RIMBP2: variants seen among roughly 807,000 people sequenced by gnomAD.
RIMBP2 encodes RIMS binding protein 2, also known as RIMS-binding protein 2.
In RIMBP2, 48 loss-of-function variants were observed where a neutral mutation model predicts 118.6. That is an observed-to-expected ratio of 0.40 (90% CI 0.32 to 0.51). The LOEUF (loss-of-function observed/expected upper bound fraction) is 0.51. Among genes scored for constraint, RIMBP2 ranks in the 20% least tolerant of loss-of-function variants. The pLI, the probability that RIMBP2 is intolerant of heterozygous loss-of-function variation, is 0.41. For missense variants in RIMBP2, 1,551 were observed against 1,768.3 expected (o/e 0.88, Z 2.20); for synonymous variants, 762 against 742.9 (o/e 1.03, Z -0.42).
chr12:130,434,930 A>G lies in RIMBP2; in HGVS notation c.2107-50T>C, dbSNP rs766614710. The G allele has an allele frequency of 6.4e-7, 1 of 1,555,572 alleles. No homozygotes were observed. Among genetic ancestry groups the G allele is most frequent in the Non-Finnish European group, 8.7e-7 (1 of 1,150,780 alleles). On this transcript the variant is annotated intron_variant, in intron 13 of 22. Transcript: ENST00000690449. The surrounding 1 kb of genome is among the most constrained non-coding windows in gnomAD (Gnocchi z 5.7). ...GGGTGAGGCAGGGCCACCTTCAGCT[A>G]CGCTCAGCCCCACCTGCATTCACCA...
intron 2 of RIMBP2, among the ~76,000 whole-genome samples, chr12:130,556,599 C>T (rs1002397886): frequency 2.0e-5 from 3 of 152,222 alleles, no homozygotes; most frequent in Non-Finnish European, 4.4e-5. Flanking sequence ...ATGGGGAGAC[C>T]CAGGCCAGGG....
At chr12:130,448,613 G>A (rs992862680) in intron 9 of RIMBP2, among the ~76,000 whole-genome samples, 15 of 152,264 alleles carry the variant, frequency 9.9e-5, no homozygotes, top group Non-Finnish European at 1.9e-4. Flanking sequence ...GGAGCCAGGG[G>A]TAGGACTGGG....
At chr12:130,530,489 A>G (rs2053254267) in intron 2 of RIMBP2, among the ~76,000 whole-genome samples, 1 of 152,198 alleles carries the variant, frequency 6.6e-6, no homozygotes, top group Admixed American at 6.5e-5. Flanking sequence ...ACAATTTTTA[A>G]AAGAAAAAGG....
chr12:130,487,484 C>CCA (rs1288209466), intron 4 of RIMBP2, among the ~76,000 whole-genome samples: 3 of 152,314 alleles, frequency 2.0e-5, no homozygotes, highest in East Asian at 3.9e-4. Context: ...CCCACTTTGC[C>CCA]TTCTGCCATG....
At chr12:130,648,659 T>C (rs1594141081) in intron 1 of RIMBP2, among the ~76,000 whole-genome samples, 3 of 117,312 alleles carry the variant, frequency 2.6e-5, no homozygotes, top group African/African-American at 1.1e-4. Context: ...AATTAGTATC[T>C]TTTTTTTTTT....
intron 2 of RIMBP2, among the ~76,000 whole-genome samples, chr12:130,557,812 T>C (rs1246874703): frequency 1.3e-5 from 2 of 152,194 alleles, no homozygotes; most frequent in Non-Finnish European, 2.9e-5. Flanking sequence ...GTCACCTTGT[T>C]CGATGCCCCG....
At chr12:130,647,009 G>C (rs1352811070) in intron 1 of RIMBP2, among the ~76,000 whole-genome samples, 4 of 152,256 alleles carry the variant, frequency 2.6e-5, no homozygotes, top group Non-Finnish European at 2.9e-5. Flanking sequence ...ATGTGAGGCA[G>C]AGTGGGGACC....
intron 2 of RIMBP2, among the ~76,000 whole-genome samples, chr12:130,554,436 G>A (rs927895038): frequency 2.0e-5 from 3 of 152,144 alleles, no homozygotes; most frequent in East Asian, 1.9e-4. Context: ...ATCTGAACTA[G>A]GTGTGAAACC....
At chr12:130,569,728 T>C (rs1484721663) in intron 2 of RIMBP2, among the ~76,000 whole-genome samples, 1 of 152,150 alleles carries the variant, frequency 6.6e-6, no homozygotes, top group African/African-American at 2.4e-5. Flanking sequence ...GCCTGTTCCC[T>C]CTTCACCTTC....
At chr12:130,591,537 C>T (rs2059265613) in intron 2 of RIMBP2, among the ~76,000 whole-genome samples, 1 of 150,920 alleles carries the variant, frequency 6.6e-6, no homozygotes, top group Non-Finnish European at 1.5e-5. Context: ...AGTCTGGAAT[C>T]GAGGTGTCAT....
chr12:130,621,090 G>A lies in RIMBP2; in HGVS notation c.-217+7232C>T. The stretch of plus-strand genomic sequence containing the variant: ...TGGAGTCACCCCTTAGTGAGGGTGG[G>A]TTCATTTTTTTACCAGCACCCTGGG... On this transcript the variant is annotated intron_variant, in intron 2 of 22. Coordinates refer to ENST00000690449, the MANE Select transcript of RIMBP2 (RefSeq NM_001393629.1). The surrounding 1 kb of genome is among the most constrained non-coding windows in gnomAD (Gnocchi z 6.6). Among the ~76,000 whole-genome samples the A allele has an allele frequency of 6.6e-6, 1 of 152,164 alleles. No individual in the cohort carries two copies. The highest frequency in any genetic ancestry group is 1.9e-4 in the East Asian group (1 of 5,182).
intron 21 of RIMBP2, 123 bp downstream of exon 21, chr12:130,406,049 A>G (rs2075141656): frequency 1.5e-6 from 1 of 653,760 alleles, no homozygotes; most frequent in East Asian, 2.7e-5. Context: ...AAGCAAAGCT[A>G]TCAGCAGGCG....
chr12:130,564,702 T>G (rs1425947887), intron 2 of RIMBP2, among the ~76,000 whole-genome samples: 2 of 152,122 alleles, frequency 1.3e-5, no homozygotes, highest in Admixed American at 6.6e-5. Context: ...CTCTAAACAG[T>G]GGCAGTTAAC....
In RIMBP2 at chr12:130,590,006, T is replaced by C. The variant is rs149709313; in HGVS notation, c.-217+38316A>G. On this transcript the variant is annotated intron_variant, in intron 2 of 22. Transcript: ENST00000690449. ...GTGGTTAGAAACTGCTGTTCTTGAG[T>C]GAGTTTCTGGGAGGGATTGGAGTCT... Among the ~76,000 whole-genome samples the C allele has an allele frequency of 1.1e-4, 16 of 152,166 alleles. No individual in the cohort carries two copies. In the East Asian group the frequency reaches 3.1e-3, roughly 30 times the overall value.
chr12:130,528,377 G>T (rs1274596590), intron 2 of RIMBP2, among the ~76,000 whole-genome samples: 2 of 152,192 alleles, frequency 1.3e-5, no homozygotes, highest in African/African-American at 4.8e-5. Context: ...TTCTCACTTA[G>T]AAGTGGGAGC....
chr12:130,495,163 C>A (rs2049025308), intron 4 of RIMBP2, among the ~76,000 whole-genome samples: 1 of 152,214 alleles, frequency 6.6e-6, no homozygotes, highest in African/African-American at 2.4e-5. Flanking sequence ...TTCACAGATA[C>A]ATAGATTTAG....
At chr12:130,528,503 G>A (rs1049252795) in intron 2 of RIMBP2, among the ~76,000 whole-genome samples, 10 of 152,180 alleles carry the variant, frequency 6.6e-5, no homozygotes, top group African/African-American at 2.4e-4. Flanking sequence ...AATGCATGCT[G>A]GGCTTAATAC....
chr12:130,407,789 C>T lies in RIMBP2; in HGVS notation c.3630G>A (p.Thr1210=), dbSNP rs759452335. The T allele has an allele frequency of 4.3e-6, 7 of 1,613,966 alleles. No homozygotes were observed. Among genetic ancestry groups the T allele is most frequent in the Admixed American group, 3.3e-5 (2 of 60,002 alleles). ...RRSGRRHSVS[T]RRMVALYDYD... ...AGTCATACAGGGCCACCATTCTCCGCGTCGATACCGAATGACGCCTGCCAC... is the reference window on the plus strand; with the variant it reads ...AGTCATACAGGGCCACCATTCTCCGTGTCGATACCGAATGACGCCTGCCAC... Residue 1210 remains threonine, a synonymous_variant, in exon 20 of 23, where the codon ACG becomes ACA. Transcript: ENST00000690449.
Position 130,553,639 on chromosome 12 carries a change from G to T in RIMBP2, c.-216-35722C>A, listed in dbSNP as rs148906262. ...CATGCTTGTATTCCAAGCTACTTGG[G>T]AGGCTGAGCTGGGAAGATCACCTGA... On this transcript the variant is annotated intron_variant, in intron 2 of 22. Coordinates refer to ENST00000690449, the MANE Select transcript of RIMBP2 (RefSeq NM_001393629.1). Among the ~76,000 whole-genome samples the T allele has an allele frequency of 9.7e-3, 1,482 of 152,264 alleles. 21 individuals carry two copies. Among genetic ancestry groups the T allele is most frequent in the African/African-American group, 0.034 (1,408 of 41,546 alleles).
Sources: allele counts gnomAD v4.1 joint callset (sites outside exome capture counted in the v4.1 genomes callset), GRCh38; gene constraint gnomAD v4.1.1; non-coding constraint Gnocchi (gnomAD v3.1); transcripts MANE v1.5; gene names NCBI Gene and HGNC (gene_info 2026-07-23, HGNC 2026-07-21).